The following ADAMTSL1 variants were observed in gnomAD, a reference collection of about 807,000 sequenced individuals.
The protein encoded by ADAMTSL1 is ADAMTS like 1.
In ADAMTSL1, 126 loss-of-function variants were observed where a neutral mutation model predicts 201.8. The observed-to-expected ratio is 0.62, with a 90% CI of 0.54 to 0.72. The LOEUF (loss-of-function observed/expected upper bound fraction) is 0.72. Ranked by LOEUF, ADAMTSL1 falls within the 30% of genes least tolerant of loss-of-function variation. The pLI is 0.00. For synonymous variants in ADAMTSL1, 1,121 were observed against 903.4 expected, an observed-to-expected ratio of 1.24 and a Z score of -4.32; for missense variants, 2,679 against 2,277.8, an observed-to-expected ratio of 1.18 and a Z score of -3.59.
intron 16 of ADAMTSL1, among the ~76,000 whole-genome samples, chr9:18,763,993 C>T (rs1220653356): frequency 6.6e-6 from 1 of 152,016 alleles, no homozygotes; most frequent in East Asian, 1.9e-4. Context: ...TTTTGTGGTT[C>T]CATATGAATT....
intron 1 of ADAMTSL1, among the ~76,000 whole-genome samples, chr9:18,075,179 A>G (rs1823161122): frequency 1.3e-5 from 2 of 152,100 alleles, no homozygotes; most frequent in African/African-American, 4.8e-5. Context: ...TCCTGATATG[A>G]ATTTCTTTAC....
intron 1 of ADAMTSL1, among the ~76,000 whole-genome samples, chr9:18,116,496 A>T (rs753514430): frequency 1.4e-4 from 21 of 152,136 alleles, no homozygotes; most frequent in Non-Finnish European, 2.5e-4. Context: ...TTTGCCTGTC[A>T]GATTGGCACA....
At position 17,991,383 on chromosome 9, in the gene ADAMTSL1, G is replaced by C. The variant is rs550169343; in HGVS notation, c.87+84461G>C. 2.8e-4 allele frequency among the ~76,000 whole-genome samples: 43 copies of C among 152,200 alleles called. No homozygotes were observed. The South Asian group carries it at 8.5e-3, about 30-fold the overall frequency. On this transcript the variant is annotated intron_variant, in intron 1 of 29. Transcript: ENST00000680146. ...ATGTTACATGATTATATGTAGACAG[G>C]TGGGTCTGAAAAGTACCTGGTAAAA...
chr9:18,770,523 A>G (rs1385179883), intron 16 of ADAMTSL1, 79 bp from the exon 17 acceptor site: 2 of 1,396,562 alleles, frequency 1.4e-6, no homozygotes, highest in Admixed American at 2.6e-5. Context: ...TACTCTGCCA[A>G]ATTAAGATAA....
At chr9:18,117,947 TA>T (rs903688619) in intron 1 of ADAMTSL1, among the ~76,000 whole-genome samples, 5 of 152,190 alleles carry the variant, frequency 3.3e-5, no homozygotes, top group African/African-American at 1.2e-4. Flanking sequence ...CTTGATCATT[TA>T]AAACTTTAAC....
At chr9:18,649,769 C>T (rs1432135988) in intron 7 of ADAMTSL1, among the ~76,000 whole-genome samples, 1 of 151,968 alleles carries the variant, frequency 6.6e-6, no homozygotes, top group Non-Finnish European at 1.5e-5. Flanking sequence ...AGAGGAGTAC[C>T]CCGCCGTGTG....
chr9:18,233,259 G>C (rs1830712728), intron 2 of ADAMTSL1, among the ~76,000 whole-genome samples: 1 of 152,044 alleles, frequency 6.6e-6, no homozygotes, highest in Non-Finnish European at 1.5e-5. Context: ...TTTGTTCCTG[G>C]CATTAGTAAT....
At chr9:18,836,597 A>G (rs1222436248) in intron 23 of ADAMTSL1, among the ~76,000 whole-genome samples, 1 of 152,136 alleles carries the variant, frequency 6.6e-6, no homozygotes, top group Non-Finnish European at 1.5e-5. Flanking sequence ...TTTTGGTTGC[A>G]TATGAATTTT....
chr9:18,820,214 A>G (rs536250125), intron 21 of ADAMTSL1, among the ~76,000 whole-genome samples: 1 of 152,012 alleles, frequency 6.6e-6, no homozygotes, highest in South Asian at 2.1e-4. Flanking sequence ...TTTTTTATGG[A>G]GTATTTAATC....
At chr9:18,415,389 A>G (rs1245814407) in intron 2 of ADAMTSL1, among the ~76,000 whole-genome samples, 1 of 152,214 alleles carries the variant, frequency 6.6e-6, no homozygotes, top group Non-Finnish European at 1.5e-5. Context: ...CTAAAAATAA[A>G]AACTTTAATA....
chr9:18,473,331 AC>A (rs1821293369), upstream of ADAMTSL1, among the ~76,000 whole-genome samples: 1 of 151,674 alleles, frequency 6.6e-6, no homozygotes, highest in Non-Finnish European at 1.5e-5. Flanking sequence ...CTGCTCCTCA[AC>A]CCCAAATTTC....
intron 1 of ADAMTSL1, among the ~76,000 whole-genome samples, chr9:17,922,594 T>C (rs1826348286): frequency 1.3e-5 from 2 of 151,940 alleles, no homozygotes; most frequent in South Asian, 4.2e-4. Context: ...AAAAACCACA[T>C]TTTAGGAAAC....
chr9:17,910,097 C>T (rs1254839108), intron 1 of ADAMTSL1, among the ~76,000 whole-genome samples: 1 of 67,972 alleles, frequency 1.5e-5, no homozygotes, highest in Non-Finnish European at 4.5e-5. Context: ...CCGGCGCTGT[C>T]CCTAAGCGCG....
At chr9:18,045,888 A>G (rs1382758553) in intron 1 of ADAMTSL1, among the ~76,000 whole-genome samples, 3 of 152,140 alleles carry the variant, frequency 2.0e-5, no homozygotes, top group African/African-American at 7.2e-5. Flanking sequence ...TTGGAGCAAA[A>G]AAAATTTCCC....
chr9:18,523,532 A>G (rs1220730093), intron 2 of ADAMTSL1, among the ~76,000 whole-genome samples: 4 of 152,238 alleles, frequency 2.6e-5, no homozygotes, highest in African/African-American at 9.6e-5. Flanking sequence ...TATGTCCTGA[A>G]TGGTATTGCC....
At chr9:18,630,316 C>T (rs980610623) in intron 5 of ADAMTSL1, among the ~76,000 whole-genome samples, 20 of 152,138 alleles carry the variant, frequency 1.3e-4, no homozygotes, top group South Asian at 4.1e-4. Flanking sequence ...GTATGAGCAC[C>T]GTGTACTCTT....
intron 2 of ADAMTSL1, among the ~76,000 whole-genome samples, chr9:18,426,861 A>G (rs1410810907): frequency 6.6e-6 from 1 of 152,210 alleles, no homozygotes; most frequent in Non-Finnish European, 1.5e-5. Flanking sequence ...CAAATGAAGA[A>G]CAGGGAACAG....
intron 2 of ADAMTSL1, among the ~76,000 whole-genome samples, chr9:18,355,397 G>C (rs1175861909): frequency 6.6e-6 from 1 of 152,080 alleles, no homozygotes; most frequent in Non-Finnish European, 1.5e-5. Context: ...AGGAGTATCA[G>C]CAGAATATTA....
chr9:18,616,904 C>G (rs1434282105), intron 4 of ADAMTSL1, among the ~76,000 whole-genome samples: 1 of 152,080 alleles, frequency 6.6e-6, no homozygotes, highest in Non-Finnish European at 1.5e-5. Context: ...TAGAAATGCA[C>G]TCCCTCCCCT....
Sources: allele counts gnomAD v4.1 joint callset (sites outside exome capture counted in the v4.1 genomes callset), GRCh38; gene constraint gnomAD v4.1.1; transcripts MANE v1.5; gene names NCBI Gene and HGNC (gene_info 2026-07-23, HGNC 2026-07-21).